The following RFX8 variants were observed in gnomAD, a reference collection of about 807,000 sequenced individuals.
The protein encoded by RFX8 is regulatory factor X8, also known as DNA-binding protein RFX8.
Under a neutral mutation model 54.6 loss-of-function variants are expected in RFX8, and 46 were observed. The ratio of observed to expected loss-of-function variants is 0.84; its 90% confidence interval spans 0.67 to 1.08. The LOEUF is 1.08. Among genes scored for constraint, RFX8 ranks in the 50% least tolerant of loss-of-function variants. RFX8 has a pLI of 0.00. For missense variants in RFX8, 536 were observed against 562.3 expected, an observed-to-expected ratio of 0.95 and a Z score of 0.47; for synonymous variants, 192 against 209.5, an observed-to-expected ratio of 0.92 and a Z score of 0.72.
chr2:101,466,309 GAAA>G lies in RFX8; in HGVS notation c.72+465_72+467del, dbSNP rs34805689. On this transcript the variant is annotated intron_variant, in intron 2 of 11. Coordinates refer to ENST00000428343, the MANE Select transcript of RFX8 (RefSeq NM_001145664.2). ...GCAACAAGAGGGAAATTCTATCTCG[GAAA>G]AAAAAAAAAAAAAAGATCTTAACCT... Among the ~76,000 whole-genome samples the G allele has an allele frequency of 8.2e-3, 1,084 of 132,462 alleles. 14 individuals carry two copies. The highest frequency in any genetic ancestry group is 0.029 in the African/African-American group (1,037 of 35,806). 86.9% of individuals were successfully genotyped at this position (132,462 alleles called of 152,430 possible).
At position 101,402,661 on chromosome 2, in the gene RFX8, C is replaced by T. The variant is rs752251754; in HGVS notation, c.1020G>A (p.Met340Ile). ...CTGGTAGCATTTCCTTGACAGTCCC[C>T]ATGTCCTCCTCCTCCTCTTCCTCCT... Reference protein sequence around the residue: ...CLEEEEEEEDMGTVKEMLPDD... With the variant: ...CLEEEEEEEDIGTVKEMLPDD... Residue 340 changes from methionine (M) to isoleucine (I), a missense_variant, in exon 11 of 12, where the codon ATG becomes ATA. Coordinates refer to ENST00000428343, the MANE Select transcript of RFX8 (RefSeq NM_001145664.2). 3 of 1,554,950 alleles carry T rather than the reference C, an allele frequency of 1.9e-6. No homozygotes were observed. In the South Asian group the frequency reaches 3.6e-5, roughly 18 times the overall value.
In RFX8 at chr2:101,417,573, C is replaced by T. The variant is rs189284524; in HGVS notation, c.463G>A (p.Glu155Lys). Reference protein sequence around the residue: ...KFKLWLLNALEGVPALLQISK... With the variant: ...KFKLWLLNALKGVPALLQISK... ...ATCTGCAAGAGGGCTGGAACACCTT[C>T]CAAAGCATTAAGGAGCCACAGCTTA... Residue 155 changes from glutamate to lysine, a missense_variant, in exon 6 of 12, where the codon GAA (glutamate) becomes AAA (lysine). Coordinates refer to ENST00000428343, the MANE Select transcript of RFX8 (RefSeq NM_001145664.2). 8.4e-5 allele frequency: 130 copies of T among 1,551,450 alleles called. 2 individuals carry two copies. In the East Asian group the frequency reaches 3.2e-3, roughly 38 times the overall value.
chr2:101,439,947 C>T (rs1376272365), intron 2 of RFX8, among the ~76,000 whole-genome samples: 2 of 152,136 alleles, frequency 1.3e-5, no homozygotes, highest in African/African-American at 2.4e-5. Context: ...CAGTACCACC[C>T]CATCCTGATT....
intron 2 of RFX8, among the ~76,000 whole-genome samples, chr2:101,437,486 G>A (rs938969350): frequency 2.0e-5 from 3 of 152,004 alleles, no homozygotes; most frequent in African/African-American, 7.3e-5. Flanking sequence ...GCTGAGGCGG[G>A]AGGATCATTT....
intron 2 of RFX8, among the ~76,000 whole-genome samples, chr2:101,440,584 G>A (rs1423596587): frequency 6.6e-6 from 1 of 152,164 alleles, no homozygotes; most frequent in Non-Finnish European, 1.5e-5. Context: ...TGGGGGAGGG[G>A]AGAGCACACA....
intron 2 of RFX8, chr2:101,452,413 G>C (rs540129616): frequency 3.6e-5 from 49 of 1,377,902 alleles, no homozygotes; most frequent in Non-Finnish European, 4.3e-5. Flanking sequence ...CCCAGCCTCC[G>C]GGTGCCAAGG....
chr2:101,472,501 C>T lies in RFX8; in HGVS notation c.-53+2135G>A, dbSNP rs563408390. Among the ~76,000 whole-genome samples, 285 of 127,132 alleles carry T rather than the reference C, an allele frequency of 2.2e-3. 1 individual carries two copies. Among genetic ancestry groups the T allele is most frequent in the African/African-American group, 7.2e-3 (269 of 37,248 alleles). The allele number at this position is 127,132 out of a possible 152,430, so 83.4% of individuals were successfully genotyped here. On this transcript the variant is annotated intron_variant, in intron 1 of 11. Coordinates refer to ENST00000428343, the MANE Select transcript of RFX8 (RefSeq NM_001145664.2). ...ACCCCTCCCTTATTTCCATTGCCTC[C>T]ACCCCCCAACCTTGAAGAGTGGCCT...
intron 9 of RFX8, among the ~76,000 whole-genome samples, chr2:101,407,484 G>A (rs919681079): frequency 3.3e-5 from 5 of 152,230 alleles, no homozygotes; most frequent in Admixed American, 2.6e-4. Context: ...TTGAGGTCAG[G>A]AGTTCGAGAC....
intron 2 of RFX8, among the ~76,000 whole-genome samples, chr2:101,454,326 T>C (rs1199561882): frequency 6.6e-6 from 1 of 152,214 alleles, no homozygotes; most frequent in African/African-American, 2.4e-5. Flanking sequence ...TTTCAAGTCT[T>C]TGCTATTGTG....
chr2:101,404,215 T>C (rs534362880), intron 10 of RFX8, among the ~76,000 whole-genome samples: 51 of 152,360 alleles, frequency 3.3e-4, no homozygotes, highest in African/African-American at 1.2e-3. Flanking sequence ...CCCTGAGTAG[T>C]GTTCTATTCC....
At chr2:101,449,088 A>T (rs1688546830) in intron 2 of RFX8, among the ~76,000 whole-genome samples, 1 of 152,132 alleles carries the variant, frequency 6.6e-6, no homozygotes, top group Non-Finnish European at 1.5e-5. Flanking sequence ...GGCACTATGG[A>T]AGGTTGGATG....
At chr2:101,443,231 CT>C (rs1307725017) in intron 2 of RFX8, among the ~76,000 whole-genome samples, 1 of 152,152 alleles carries the variant, frequency 6.6e-6, no homozygotes, top group Admixed American at 6.5e-5. Flanking sequence ...AGCTCACTCT[CT>C]TATCACCACC....
In RFX8 at chr2:101,412,909, G is replaced by T; in HGVS notation, c.718+6C>A. The T allele has an allele frequency of 6.5e-7, 1 of 1,547,182 alleles. No individual in the cohort carries two copies. The highest frequency in any genetic ancestry group is 8.7e-7 in the Non-Finnish European group (1 of 1,144,954). On this transcript the variant is annotated splice_donor_region_variant and intron_variant, in intron 8 of 11. Coordinates refer to ENST00000428343, the MANE Select transcript of RFX8 (RefSeq NM_001145664.2). ...CCAATAAAGCAAGCTGCAGAAGGAA[G>T]ATTACATTTCATCTCTGGGTTGTTC...
At chr2:101,427,072 G>A (rs949441483) in intron 2 of RFX8, among the ~76,000 whole-genome samples, 3 of 152,012 alleles carry the variant, frequency 2.0e-5, no homozygotes, top group East Asian at 1.9e-4. Context: ...ATCACCTCCC[G>A]GCTCCAATGC....
intron 7 of RFX8, among the ~76,000 whole-genome samples, chr2:101,413,391 T>C (rs1008363862): frequency 1.3e-5 from 2 of 152,108 alleles, no homozygotes; most frequent in African/African-American, 4.8e-5. Context: ...ATTGAGCCTC[T>C]GCAAGGAAGG....
chr2:101,412,671 A>G (rs1686208336), intron 8 of RFX8, among the ~76,000 whole-genome samples: 1 of 152,178 alleles, frequency 6.6e-6, no homozygotes, highest in Admixed American at 6.5e-5. Context: ...TTATGGACTC[A>G]ACTAACAGGT....
chr2:101,426,215 CTG>C (rs1210208960), intron 2 of RFX8, among the ~76,000 whole-genome samples: 3 of 152,082 alleles, frequency 2.0e-5, no homozygotes, highest in Non-Finnish European at 4.4e-5. Flanking sequence ...TAAATAATAA[CTG>C]TGTTGAGTGT....
At chr2:101,458,962 A>C (rs1230767666) in intron 2 of RFX8, among the ~76,000 whole-genome samples, 1 of 151,938 alleles carries the variant, frequency 6.6e-6, no homozygotes, top group Non-Finnish European at 1.5e-5. Flanking sequence ...CATTAATTTG[A>C]TCTTCAATCA....
chr2:101,466,176 C>T (rs1047095735), intron 2 of RFX8, among the ~76,000 whole-genome samples: 4 of 152,064 alleles, frequency 2.6e-5, no homozygotes, highest in African/African-American at 9.7e-5. Context: ...CACCCCCTGA[C>T]ACTGCAAGTT....
Sources: gnomAD v4.1 joint callset for allele counts (sites outside exome capture counted in the v4.1 genomes callset) on GRCh38, gnomAD v4.1.1 for gene constraint, MANE v1.5 for transcripts, NCBI Gene and HGNC (gene_info 2026-07-23, HGNC 2026-07-21) for gene names.